The following QTRT2 variants were observed in gnomAD, a reference collection of about 807,000 sequenced individuals.
The protein encoded by QTRT2 is queuine tRNA-ribosyltransferase accessory subunit 2.
A neutral mutation model predicts 44.8 loss-of-function variants in QTRT2; 32 were observed. The ratio of observed to expected loss-of-function variants is 0.71; its 90% CI spans 0.54 to 0.96. QTRT2 has a LOEUF of 0.96. Ranked by LOEUF, QTRT2 falls within the 40% of genes least tolerant of loss-of-function variation. The pLI is 0.00. For synonymous variants in QTRT2, 182 were observed against 187.4 expected (o/e 0.97, Z 0.24); for missense variants, 461 against 503.1 (o/e 0.92, Z 0.80).
chr3:114,068,524 A>C (rs1371814428), intron 5 of QTRT2, among the ~76,000 whole-genome samples: 5 of 152,174 alleles, frequency 3.3e-5, no homozygotes, highest in South Asian at 4.1e-4. Context: ...GAACAGTATC[A>C]AAAGCACCTC....
chr3:114,066,200 GT>G, intron 3 of QTRT2, 27 bp from the exon 4 acceptor site: 2 of 1,511,906 alleles, frequency 1.3e-6, no homozygotes, highest in Non-Finnish European at 1.8e-6. Flanking sequence ...ACATTATTAT[GT>G]TATGTATTTT....
At chr3:114,081,877 C>G (rs932473126) in intron 8 of QTRT2, among the ~76,000 whole-genome samples, 6 of 152,214 alleles carry the variant, frequency 3.9e-5, no homozygotes, top group African/African-American at 1.4e-4. Flanking sequence ...ACCTGTCTTT[C>G]TCCTGGGACC....
chr3:114,056,991 C>A lies in QTRT2; in HGVS notation c.-129-8C>A. 1 of 1,443,882 alleles carries A rather than the reference C, an allele frequency of 6.9e-7. No individual in the cohort carries two copies. The highest frequency in any genetic ancestry group is 9.1e-7 in the Non-Finnish European group (1 of 1,103,204). The allele number at this position is 1,443,882 out of a possible 1,614,324, so 89.4% of individuals were successfully genotyped here. A position where few individuals can be genotyped will look rare whatever the true frequency, so the allele number is the denominator to read the frequency against. Reference sequence around the variant, plus strand: ...CTCCCGCCATGTCTCCTCTGCTTCCCTTTTCAGGGTGTCCTGGTGGATTGG... The same window carrying A: ...CTCCCGCCATGTCTCCTCTGCTTCCATTTTCAGGGTGTCCTGGTGGATTGG... On this transcript the variant is annotated splice_region_variant and splice_polypyrimidine_tract_variant and intron_variant, in intron 1 of 9. Transcript: ENST00000281273.
intron 6 of QTRT2, among the ~76,000 whole-genome samples, chr3:114,073,803 C>T (rs951166246): frequency 2.6e-5 from 4 of 152,084 alleles, no homozygotes; most frequent in Admixed American, 2.6e-4. Context: ...TATGATCGTG[C>T]TTCTTACACC....
intron 5 of QTRT2, 63 bp downstream of exon 5, chr3:114,068,126 T>A: frequency 1.6e-6 from 2 of 1,286,936 alleles, no homozygotes; most frequent in Non-Finnish European, 2.3e-6. Context: ...CTATGGTGTA[T>A]CCCTCAGATG....
intron 2 of QTRT2, 108 bp downstream of exon 2, chr3:114,057,214 A>G (rs1265455135): frequency 5.7e-6 from 2 of 351,292 alleles, no homozygotes; most frequent in East Asian, 7.6e-5. Context: ...GAGATGGCCC[A>G]TGGAGCAAAG....
In QTRT2 at chr3:114,056,772, A is replaced by C; in HGVS notation, c.-222A>C. On this transcript the variant is annotated 5_prime_UTR_variant, in exon 1 of 10. Coordinates refer to ENST00000281273, the MANE Select transcript of QTRT2 (RefSeq NM_024638.4). ...GATTGGCTCTGCACTGGAGGCAGTG[A>C]TTTTGGGGCAGAGAATTTTGCAACA... 6.7e-7 allele frequency: 1 copy of C among 1,501,872 alleles called. No individual in the cohort carries two copies. Among genetic ancestry groups the C allele is most frequent in the Non-Finnish European group, 8.9e-7 (1 of 1,122,664 alleles). The allele number at this position is 1,501,872 out of a possible 1,614,324, so 93.0% of individuals were successfully genotyped here.
intron 8 of QTRT2, among the ~76,000 whole-genome samples, chr3:114,082,204 CCACACACACACACACA>C (rs71146306): frequency 0.015 from 2,045 of 138,856 alleles, 51 homozygotes; most frequent in East Asian, 0.084. Flanking sequence ...GATAACCCCA[CCACACACACACACACA>C]CACACACACA....
chr3:114,065,572 A>G, intron 3 of QTRT2, 115 bp downstream of exon 3: 2 of 793,424 alleles, frequency 2.5e-6, no homozygotes, highest in South Asian at 3.7e-5. Context: ...CGATTTTCAT[A>G]ATGAAATCAG....
intron 6 of QTRT2, among the ~76,000 whole-genome samples, chr3:114,073,875 C>T (rs1325818063): frequency 2.6e-5 from 4 of 152,182 alleles, no homozygotes; most frequent in African/African-American, 4.8e-5. Context: ...CTATGTAACT[C>T]TCTGCTTTGT....
rs201148644 is a variant in QTRT2, at chr3:114,080,618, T to TA, written c.898+562dup. Among the ~76,000 whole-genome samples the TA allele has an allele frequency of 9.5e-4, 144 of 152,354 alleles. 3 individuals carry two copies. In the East Asian group the frequency reaches 0.015, roughly 16 times the overall value. ...AAAGTCAGTTTCGGATTCTAACACT[T>TA]ACCTGGAGGTAGAAAAGGAGCTAGG... On this transcript the variant is annotated intron_variant, in intron 8 of 9. Transcript: ENST00000281273.
In QTRT2 at chr3:114,060,496, G is replaced by GTAGGTAGGTAGGTAGATAGA. The variant is rs74776205; in HGVS notation, c.-22+3393_-22+3394insGTAGGTAGGTAGATAGATAG. On this transcript the variant is annotated intron_variant, in intron 2 of 9. Transcript: ENST00000281273. ...GATAGGTAGGTAGGTAGGTAGGTAGGTAGATAGATAGATAGATAGATAGAT... is the reference window on the plus strand; with the variant it reads ...GATAGGTAGGTAGGTAGGTAGGTAGGTAGGTAGGTAGGTAGATAGATAGATAGATAGATAGATAGATAGAT... 1.5e-4 allele frequency among the ~76,000 whole-genome samples: 21 copies of GTAGGTAGGTAGGTAGATAGA among 144,552 alleles called. No homozygotes were observed. The East Asian group carries it at 3.1e-3, about 21-fold the overall frequency. The allele number at this position is 144,552 out of a possible 152,430, so 94.8% of individuals were successfully genotyped here.
At chr3:114,071,844 A>G (rs1237276727) in intron 6 of QTRT2, among the ~76,000 whole-genome samples, 1 of 152,164 alleles carries the variant, frequency 6.6e-6, no homozygotes, top group African/African-American at 2.4e-5. Flanking sequence ...TAAAGCACAA[A>G]CAAGAGCTCC....
At chr3:114,060,465 CAGAT>C (rs1453147396) in intron 2 of QTRT2, among the ~76,000 whole-genome samples, 14 of 144,952 alleles carry the variant, frequency 9.7e-5, no homozygotes, top group Middle Eastern at 3.5e-3. Context: ...TTCCAAACCC[CAGAT>C]AGATAGGTAG....
Position 114,087,707 on chromosome 3 carries a change from T to G in QTRT2, c.*1803T>G, listed in dbSNP as rs143589485. 1 of 152,252 alleles carries G rather than the reference T, an allele frequency of 6.6e-6. No homozygotes were observed. The highest frequency in any genetic ancestry group is 1.5e-5 in the Non-Finnish European group (1 of 68,210). The allele number at this position is 152,252 out of a possible 1,614,324, so 9.4% of individuals were successfully genotyped here. A position where few individuals can be genotyped will look rare whatever the true frequency, so the allele number is the denominator to read the frequency against. ...CAGGAAGCATGGTACTGGCATCTGC[T>G]TGGTTTCTGGGGAGGCCTCCGGAAG... On this transcript the variant is annotated 3_prime_UTR_variant, in exon 10 of 10. Coordinates refer to ENST00000281273, the MANE Select transcript of QTRT2 (RefSeq NM_024638.4).
At chr3:114,060,541 TAGATAAGATAGATTAGA>T (rs1559946222) in intron 2 of QTRT2, among the ~76,000 whole-genome samples, 6 of 144,610 alleles carry the variant, frequency 4.1e-5, no homozygotes, top group African/African-American at 1.4e-4. Flanking sequence ...GATAGATAGA[TAGATAAGATAGATTAGA>T]TAGATAGATT....
At chr3:114,060,537 TAGATAGATA>T (rs1224048535) in intron 2 of QTRT2, among the ~76,000 whole-genome samples, 35 of 129,290 alleles carry the variant, frequency 2.7e-4, no homozygotes, top group African/African-American at 8.7e-4. Context: ...GATAGATAGA[TAGATAGATA>T]AGATAGATTA....
rs766004000 is a variant in QTRT2 at position 114,080,035 on chromosome 3, C to A, written c.876C>A (p.Tyr292Ter). Residue 292 changes from tyrosine to a stop codon, truncating the protein, a stop_gained, in exon 8 of 10, where the codon TAC becomes TAA. Coordinates refer to ENST00000281273, the MANE Select transcript of QTRT2 (RefSeq NM_024638.4). LOFTEE classifies it high-confidence loss of function. ...RGCALTFSFD[Y>*]QPNPEETLLQ... ...GTGCCCTGACTTTCAGTTTTGATTA[C>A]CAGCCGAATCCTGAAGAGACACGTA... is the stretch of plus-strand genomic sequence containing the variant. 1 of 1,609,488 alleles carries A rather than the reference C, an allele frequency of 6.2e-7. No homozygotes were observed. Among genetic ancestry groups the A allele is most frequent in the Admixed American group, 1.7e-5 (1 of 59,304 alleles).
chr3:114,075,375 G>C (rs1170953600), intron 6 of QTRT2, among the ~76,000 whole-genome samples: 1 of 151,982 alleles, frequency 6.6e-6, no homozygotes, highest in Non-Finnish European at 1.5e-5. Flanking sequence ...ATTTCTATGA[G>C]GTTGTCATTC....
Sources: gnomAD v4.1 joint callset for allele counts (sites outside exome capture counted in the v4.1 genomes callset) on GRCh38, gnomAD v4.1.1 for gene constraint, MANE v1.5 for transcripts, NCBI Gene and HGNC (gene_info 2026-07-23, HGNC 2026-07-21) for gene names.